MYOZ2: variants seen among roughly 807,000 people sequenced by gnomAD.
The protein encoded by MYOZ2 is myozenin-2.
Under a neutral mutation model 25.4 loss-of-function variants are expected in MYOZ2, and 19 were observed. That is an observed-to-expected ratio of 0.75 (90% CI 0.52 to 1.10). The LOEUF is 1.10. Ranked by LOEUF, MYOZ2 falls within the 50% of genes least tolerant of loss-of-function variation. MYOZ2 has a pLI of 0.00. For missense variants in MYOZ2, 270 were observed against 317.9 expected (o/e 0.85, Z 1.15); for synonymous variants, 92 against 106.9 (o/e 0.86, Z 0.86).
chr4:119,184,072 C>T (rs570569811), intron 5 of MYOZ2, among the ~76,000 whole-genome samples: 34 of 152,268 alleles, frequency 2.2e-4, no homozygotes, highest in Non-Finnish European at 4.0e-4. Flanking sequence ...ACCTTCTCCT[C>T]CCAAAGTGCT....
intron 5 of MYOZ2, among the ~76,000 whole-genome samples, chr4:119,173,397 T>A (rs1176676946): frequency 6.6e-6 from 1 of 152,212 alleles, no homozygotes; most frequent in East Asian, 1.9e-4. Context: ...AACTTTGACT[T>A]AAACTTGAAA....
chr4:119,172,533 GAGTAC>G lies in MYOZ2; in HGVS notation c.560+8142_560+8146del, dbSNP rs1356984140. On this transcript the variant is annotated intron_variant, in intron 5 of 5. Transcript: ENST00000307128. ...TCTGAGTGGTGCCAGCTGATCCATC[GAGTAC>G]AGGGTTTACAAAATATCTCAAACAC... Among the ~76,000 whole-genome samples, 21 of 152,274 alleles carry G rather than the reference GAGTAC, an allele frequency of 1.4e-4. No homozygotes were observed. In the East Asian group the frequency reaches 3.9e-3, roughly 28 times the overall value.
intron 5 of MYOZ2, among the ~76,000 whole-genome samples, chr4:119,184,706 T>A (rs1039526742): frequency 3.3e-5 from 5 of 152,202 alleles, no homozygotes; most frequent in African/African-American, 1.2e-4. Context: ...ATCAAATGCT[T>A]AAATCAAACA....
chr4:119,150,979 C>A lies in MYOZ2; in HGVS notation c.184C>A (p.Gln62Lys), dbSNP rs770041235. Residue 62 changes from glutamine to lysine, a missense_variant, in exon 3 of 6, where the codon CAA (glutamine) becomes AAA (lysine). Gln to Lys is a moderately conservative substitution (Grantham distance 53). Transcript: ENST00000307128. ...TGGTGCCAGGCTATTTAAGATGCGT[C>A]AAAGAAGATCTGACAAATACACATT... ...NRGARLFKMR[Q>K]RRSDKYTFEN... The A allele has an allele frequency of 6.2e-7, 1 of 1,613,384 alleles. No homozygotes were observed. The highest frequency in any genetic ancestry group is 1.1e-5 in the South Asian group (1 of 91,064).
In MYOZ2 at chr4:119,186,131, G is replaced by A; in HGVS notation, c.726G>A (p.Glu242=). The A allele has an allele frequency of 6.2e-7, 1 of 1,613,982 alleles. No homozygotes were observed. Among genetic ancestry groups the A allele is most frequent in the East Asian group, 2.2e-5 (1 of 44,842 alleles). Residue 242 remains glutamate (E), a synonymous_variant, in exon 6 of 6, where the codon GAG becomes GAA. Transcript: ENST00000307128. ...FNRTPKGWIS[E]NIPIVITTEP... ...GGACTCCTAAGGGATGGATATCTGA[G>A]AATATTCCTATAGTGATAACAACCG...
chr4:119,151,481 A>G lies in MYOZ2; in HGVS notation c.246+440A>G, dbSNP rs115893633. On this transcript the variant is annotated intron_variant, in intron 3 of 5. Transcript: ENST00000307128. ...TGCCTGGGAACTACAGACACATTCAATGCCCTCTCAAAGCATTTATTCCAC... is the reference window on the plus strand; with the variant it reads ...TGCCTGGGAACTACAGACACATTCAGTGCCCTCTCAAAGCATTTATTCCAC... Among the ~76,000 whole-genome samples, 1,426 of 152,264 alleles carry G rather than the reference A, an allele frequency of 9.4e-3. 10 individuals are homozygous for G. Among genetic ancestry groups the G allele is most frequent in the South Asian group, 0.028 (137 of 4,824 alleles).
chr4:119,152,010 A>C (rs1210406223), intron 3 of MYOZ2, among the ~76,000 whole-genome samples: 2 of 152,158 alleles, frequency 1.3e-5, no homozygotes, highest in African/African-American at 2.4e-5. Context: ...CTACATCCAC[A>C]AACACCAAAA....
At chr4:119,171,891 T>G (rs1741956389) in intron 5 of MYOZ2, among the ~76,000 whole-genome samples, 1 of 151,694 alleles carries the variant, frequency 6.6e-6, no homozygotes, top group Non-Finnish European at 1.5e-5. Flanking sequence ...AAGCAAGCAA[T>G]TTCCAGTTAT....
chr4:119,183,226 A>G (rs1163371821), intron 5 of MYOZ2, among the ~76,000 whole-genome samples: 1 of 152,242 alleles, frequency 6.6e-6, no homozygotes, highest in African/African-American at 2.4e-5. Flanking sequence ...GCAGACATAC[A>G]AATGGATATA....
At chr4:119,165,410 C>T (rs1281296136) in intron 5 of MYOZ2, among the ~76,000 whole-genome samples, 1 of 151,788 alleles carries the variant, frequency 6.6e-6, no homozygotes, top group Admixed American at 6.6e-5. Context: ...ACTTGGCAGG[C>T]TGAAGTGGGA....
chr4:119,150,888 C>G lies in MYOZ2; in HGVS notation c.93C>G (p.Asp31Glu). The change falls in exon 3 of 6, where the codon GAC (aspartate) becomes GAG (glutamate). Residue 31 changes from aspartate (D) to glutamate (E), a missense_variant. By Grantham distance (45) the Asp-to-Glu change is conservative (BLOSUM62 2). Coordinates refer to ENST00000307128, the MANE Select transcript of MYOZ2 (RefSeq NM_016599.5). ...GTTTTACAGATGTTGATGGCATGGACCTGGGCAAAAAGGTCAGCATCCCCA... is the reference window on the plus strand; with the variant it reads ...GTTTTACAGATGTTGATGGCATGGAGCTGGGCAAAAAGGTCAGCATCCCCA... ...EVHGNDVDGM[D>E]LGKKVSIPRD... 6.2e-7 allele frequency: 1 copy of G among 1,613,778 alleles called. No individual in the cohort carries two copies. Among genetic ancestry groups the G allele is most frequent in the South Asian group, 1.1e-5 (1 of 91,070 alleles).
At chr4:119,143,895 T>G (rs1275082402) in intron 2 of MYOZ2, among the ~76,000 whole-genome samples, 1 of 152,124 alleles carries the variant, frequency 6.6e-6, no homozygotes, top group East Asian at 1.9e-4. Flanking sequence ...TTAATTAAAT[T>G]TTTTATTTTG....
chr4:119,174,772 G>T (rs1742021661), intron 5 of MYOZ2, among the ~76,000 whole-genome samples: 1 of 152,094 alleles, frequency 6.6e-6, no homozygotes, highest in Non-Finnish European at 1.5e-5. Context: ...CACAGTGGAA[G>T]CTTTGTTCTT....
rs138890484 is a variant in MYOZ2 at position 119,182,586 on chromosome 4, T to G, written c.561-3380T>G. On this transcript the variant is annotated intron_variant, in intron 5 of 5. Transcript: ENST00000307128. The stretch of plus-strand genomic sequence containing the variant: ...GGGAGATGGTTTCGGGATGAAACTA[T>G]TCCACTTCAGATCATCAGGCATTAG... Among the ~76,000 whole-genome samples the G allele has an allele frequency of 2.0e-3, 301 of 152,276 alleles. 1 individual carries two copies. Among genetic ancestry groups the G allele is most frequent in the African/African-American group, 6.9e-3 (285 of 41,552 alleles).
intron 4 of MYOZ2, among the ~76,000 whole-genome samples, chr4:119,158,695 ATAAG>A (rs1285529562): frequency 3.3e-5 from 5 of 152,246 alleles, no homozygotes; most frequent in Admixed American, 1.3e-4. Flanking sequence ...GAAAATTATA[ATAAG>A]TAATTTGTAA....
chr4:119,139,079 C>G (rs1561099568), intron 2 of MYOZ2, among the ~76,000 whole-genome samples: 1 of 152,118 alleles, frequency 6.6e-6, no homozygotes, highest in African/African-American at 2.4e-5. Flanking sequence ...ATCACAACCC[C>G]AAATTGTTGC....
At chr4:119,144,697 G>A (rs986536218) in intron 2 of MYOZ2, among the ~76,000 whole-genome samples, 4 of 152,142 alleles carry the variant, frequency 2.6e-5, no homozygotes, top group African/African-American at 9.7e-5. Context: ...CCTAGTGACT[G>A]ATGATGTTTA....
chr4:119,165,823 T>C (rs1222546971), intron 5 of MYOZ2, among the ~76,000 whole-genome samples: 1 of 152,196 alleles, frequency 6.6e-6, no homozygotes, highest in Non-Finnish European at 1.5e-5. Flanking sequence ...CTTCTCTGTA[T>C]CTTGTGGCTT....
chr4:119,172,086 T>G (rs983552579), intron 5 of MYOZ2, among the ~76,000 whole-genome samples: 1 of 152,236 alleles, frequency 6.6e-6, no homozygotes, highest in African/African-American at 2.4e-5. Context: ...GCCCAGAGTT[T>G]AGTTCAACTT....
Sources: gnomAD v4.1 joint callset for allele counts (sites outside exome capture counted in the v4.1 genomes callset) on GRCh38, gnomAD v4.1.1 for gene constraint, MANE v1.5 for transcripts, NCBI Gene and HGNC (gene_info 2026-07-23, HGNC 2026-07-21) for gene names.